Variants in LPAR6 observed in about 807,000 individuals in gnomAD.
The protein encoded by LPAR6 is G-protein coupled purinergic receptor P2Y5.
Under a neutral mutation model 22.0 loss-of-function variants are expected in LPAR6, and 17 were observed. The observed-to-expected ratio is 0.77, with a 90% CI of 0.53 to 1.16. LPAR6 has a LOEUF of 1.16. Among genes scored for constraint, LPAR6 ranks in the 50% most tolerant of loss-of-function variants. The pLI is 0.00. For synonymous variants in LPAR6, 136 were observed against 139.8 expected, an observed-to-expected ratio of 0.97 and a Z score of 0.19; for missense variants, 384 against 406.9, an observed-to-expected ratio of 0.94 and a Z score of 0.48.
chr13:48,418,535 A>G (rs905764365), intron 2 of LPAR6, among the ~76,000 whole-genome samples: 8 of 152,188 alleles, frequency 5.3e-5, no homozygotes, highest in Non-Finnish European at 1.0e-4. Flanking sequence ...CACATATAAC[A>G]ATATTAACCT....
chr13:48,432,475 C>T lies in LPAR6; in HGVS notation c.-1473-8356G>A, dbSNP rs143887671. On this transcript the variant is annotated intron_variant, in intron 1 of 6. Coordinates refer to the LPAR6 transcript ENST00000378434. ...CAGTGTTCTGAAACTAAATACTTCTCGGAGAGTAGCTGTCTCTCATTAAAG... is the reference window on the plus strand; with the variant it reads ...CAGTGTTCTGAAACTAAATACTTCTTGGAGAGTAGCTGTCTCTCATTAAAG... Among the ~76,000 whole-genome samples the T allele has an allele frequency of 7.1e-4, 107 of 150,832 alleles. 3 individuals are homozygous for T. The East Asian group carries it at 0.02, about 29-fold the overall frequency.
intron 1 of LPAR6, among the ~76,000 whole-genome samples, chr13:48,396,888 G>GA (rs200951171): frequency 2.0e-5 from 3 of 152,068 alleles, no homozygotes; most frequent in African/African-American, 7.2e-5. Flanking sequence ...ACAAACATAT[G>GA]AAAAAAAGCT....
At chr13:48,406,965 T>C (rs778939308), downstream of LPAR6, among the ~76,000 whole-genome samples, 3 of 152,220 alleles carry the variant, frequency 2.0e-5, no homozygotes, top group South Asian at 2.1e-4. Context: ...ATTGTGTCTG[T>C]TGTTTAGTCT....
At chr13:48,425,755 G>A (rs1949070377) in intron 1 of LPAR6, among the ~76,000 whole-genome samples, 1 of 152,118 alleles carries the variant, frequency 6.6e-6, no homozygotes, top group Admixed American at 6.5e-5. Flanking sequence ...ATTTGTAAAA[G>A]GAGAGTATTA....
In LPAR6 at chr13:48,412,115, G is replaced by C; in HGVS notation, c.309C>G (p.Ser103Arg). ...VMLFYTNMYG[S>R]ILFLTCISVD... is the part of the protein sequence containing the mutation. ...CACTAATACAGGTTAAGAACAGAATGCTTCCGTACATGTTGGTATAAAACA... is the reference window on the plus strand; with the variant it reads ...CACTAATACAGGTTAAGAACAGAATCCTTCCGTACATGTTGGTATAAAACA... The change falls in exon 1 of 1, where the codon AGC becomes AGG. Residue 103 changes from serine to arginine, a missense_variant. Coordinates refer to ENST00000620633, the MANE Select transcript of LPAR6 (RefSeq NM_001162498.3). The C allele has an allele frequency of 2.5e-6, 4 of 1,613,484 alleles. No homozygotes were observed. The highest frequency in any genetic ancestry group is 3.4e-6 in the Non-Finnish European group (4 of 1,179,742).
At chr13:48,434,623 T>G (rs1469382005) in intron 1 of LPAR6, among the ~76,000 whole-genome samples, 1 of 152,086 alleles carries the variant, frequency 6.6e-6, no homozygotes, top group African/African-American at 2.4e-5. Context: ...AGAGACACTA[T>G]TCAGGGGTTT....
intron 1 of LPAR6, among the ~76,000 whole-genome samples, chr13:48,394,276 G>C (rs936537745): frequency 6.6e-6 from 1 of 152,148 alleles, no homozygotes; most frequent in South Asian, 2.1e-4. Flanking sequence ...AGATTCCCTC[G>C]GGTGCCTACA....
At chr13:48,433,764 C>A (rs1360242727) in intron 1 of LPAR6, among the ~76,000 whole-genome samples, 4 of 150,982 alleles carry the variant, frequency 2.6e-5, no homozygotes, top group Non-Finnish European at 4.4e-5. Context: ...TTAAACTAGA[C>A]AAATAAGGAC....
chr13:48,414,460 C>T (rs1948874566), upstream of LPAR6, among the ~76,000 whole-genome samples: 1 of 151,338 alleles, frequency 6.6e-6, no homozygotes, highest in Non-Finnish European at 1.5e-5. Context: ...TTGAGGATAT[C>T]ACAACCTCTA....
At position 48,421,919 on chromosome 13, in the gene LPAR6, G is replaced by A. The variant is rs7320277; in HGVS notation, c.-954+731C>T. On this transcript the variant is annotated intron_variant, in intron 2 of 4. Transcript: ENST00000345941. ...TAGGAATGCTTTTACACTGTTGGTG[G>A]GAGTGTAAATTAGTTCAACCATTGT... Among the ~76,000 whole-genome samples the A allele has an allele frequency of 6.3e-3, 959 of 152,254 alleles. 12 individuals carry two copies. Among genetic ancestry groups the A allele is most frequent in the African/African-American group, 0.022 (912 of 41,532 alleles).
At chr13:48,422,914 G>C (rs1593501619) in intron 1 of LPAR6, 1 of 152,236 alleles carries the variant, frequency 6.6e-6, no homozygotes, top group Admixed American at 6.5e-5. Flanking sequence ...GCTGAGATGA[G>C]AGGATCACTT....
intron 1 of LPAR6, among the ~76,000 whole-genome samples, chr13:48,435,796 A>G (rs545243590): frequency 6.6e-6 from 1 of 152,262 alleles, no homozygotes; most frequent in South Asian, 2.1e-4. Context: ...TTGTTTCAGC[A>G]CCATTTATTT....
chr13:48,400,077 G>C (rs1227899343), intron 1 of LPAR6, among the ~76,000 whole-genome samples: 3 of 152,060 alleles, frequency 2.0e-5, no homozygotes, highest in Non-Finnish European at 2.9e-5. Flanking sequence ...ATGTCCTGTA[G>C]GTAGCTCATA....
chr13:48,421,151 A>G, intron 2 of LPAR6, among the ~76,000 whole-genome samples: 1 of 152,214 alleles, frequency 6.6e-6, no homozygotes, highest in East Asian at 1.9e-4. Context: ...AGGCTACAAT[A>G]ACCAAAACAG....
downstream of LPAR6, among the ~76,000 whole-genome samples, chr13:48,409,101 G>A (rs1008577267): frequency 1.3e-5 from 2 of 151,068 alleles, no homozygotes; most frequent in East Asian, 3.9e-4. Flanking sequence ...GGGATATAAA[G>A]GACCATGGTT....
At chr13:48,436,843 A>G (rs1277025036) in intron 1 of LPAR6, among the ~76,000 whole-genome samples, 1 of 152,234 alleles carries the variant, frequency 6.6e-6, no homozygotes, top group Admixed American at 6.5e-5. Context: ...AGGGTGGCAC[A>G]AAAACATTTC....
chr13:48,405,550 G>A lies in LPAR6; in HGVS notation n.114+10150C>T, dbSNP rs75007355. Among the ~76,000 whole-genome samples, 1,284 of 152,180 alleles carry A rather than the reference G, an allele frequency of 8.4e-3. 16 individuals carry two copies. The highest frequency in any genetic ancestry group is 0.03 in the African/African-American group (1,242 of 41,516). On this transcript the variant is annotated intron_variant and non_coding_transcript_variant, in intron 1 of 1. Transcript: ENST00000462781. ...CCATAAATTTTGTTTTAACACAGCC[G>A]CTTTATTCATTTATATATTGTCTGT...
At chr13:48,397,425 T>C (rs757063623) in intron 1 of LPAR6, among the ~76,000 whole-genome samples, 12 of 152,142 alleles carry the variant, frequency 7.9e-5, no homozygotes, top group Non-Finnish European at 1.8e-4. Flanking sequence ...TTTTCACTTA[T>C]AAGTTAAAAC....
At chr13:48,436,951 A>G (rs17071716) in intron 1 of LPAR6, among the ~76,000 whole-genome samples, 12,883 of 152,232 alleles carry the variant, frequency 0.085, 1,876 homozygotes, top group African/African-American at 0.29. Context: ...TACTAGCACT[A>G]CTGACTTGTA....
Sources: allele counts gnomAD v4.1 joint callset (sites outside exome capture counted in the v4.1 genomes callset), GRCh38; gene constraint gnomAD v4.1.1; transcripts MANE v1.5; gene names NCBI Gene and HGNC (gene_info 2026-07-23, HGNC 2026-07-21).